Variants in CCDC91 observed in about 807,000 individuals in gnomAD.
CCDC91 encodes the protein coiled-coil domain containing 91, also known as coiled-coil domain-containing protein 91.
In CCDC91, 48 loss-of-function variants were observed where a neutral mutation model predicts 63.2. The observed-to-expected ratio is 0.76, with a 90% confidence interval of 0.60 to 0.97. The LOEUF (loss-of-function observed/expected upper bound fraction) is 0.97, where lower values mean the gene tolerates loss of function less well. CCDC91 is among the 50% of genes least tolerant of loss of function. The pLI is 0.00. For missense variants in CCDC91, 500 were observed against 494.6 expected, an observed-to-expected ratio of 1.01 and a Z score of -0.10; for synonymous variants, 167 against 165.8, an observed-to-expected ratio of 1.01 and a Z score of -0.06.
At chr12:28,356,411 C>G (rs894556026) in intron 6 of CCDC91, among the ~76,000 whole-genome samples, 18 of 152,020 alleles carry the variant, frequency 1.2e-4, no homozygotes, top group Admixed American at 8.5e-4. Flanking sequence ...TATAATTAGG[C>G]CATTTAGATG....
chr12:28,450,139 A>C, intron 8 of CCDC91, 22 bp from the exon 9 acceptor site: 1 of 1,404,108 alleles, frequency 7.1e-7, no homozygotes, highest in Non-Finnish European at 9.9e-7. Context: ...CCATAATATA[A>C]TTTGCTTATC....
chr12:28,335,179 TATAA>T (rs1414646010), intron 6 of CCDC91, among the ~76,000 whole-genome samples: 1 of 137,772 alleles, frequency 7.3e-6, no homozygotes, highest in Non-Finnish European at 1.6e-5. Context: ...ATGTTTATAA[TATAA>T]ATATTATATT....
intron 3 of CCDC91, among the ~76,000 whole-genome samples, chr12:28,278,665 A>G (rs1351594834): frequency 6.6e-6 from 1 of 152,024 alleles, no homozygotes; most frequent in Non-Finnish European, 1.5e-5. Flanking sequence ...TTTACTTTTC[A>G]ATTATATTGA....
intron 8 of CCDC91, among the ~76,000 whole-genome samples, chr12:28,429,789 T>A (rs1209280689): frequency 6.6e-6 from 1 of 152,088 alleles, no homozygotes; most frequent in Admixed American, 6.6e-5. Flanking sequence ...TGCCACTCTA[T>A]GAATTTTGAC....
intron 12 of CCDC91, among the ~76,000 whole-genome samples, chr12:28,491,444 T>C (rs1435490551): frequency 6.6e-6 from 1 of 151,672 alleles, no homozygotes; most frequent in African/African-American, 2.4e-5. Context: ...AAATAATAGC[T>C]TCAAGCAATA....
chr12:28,437,663 A>C (rs191576708), intron 8 of CCDC91, among the ~76,000 whole-genome samples: 2 of 152,222 alleles, frequency 1.3e-5, no homozygotes, highest in East Asian at 3.9e-4. Context: ...ATATCTTTTT[A>C]AATGTTTAAT....
At chr12:28,222,455 G>T (rs1181487509) in intron 1 of CCDC91, among the ~76,000 whole-genome samples, 1 of 152,090 alleles carries the variant, frequency 6.6e-6, no homozygotes, top group Non-Finnish European at 1.5e-5. Flanking sequence ...TGCATAAAAT[G>T]TATACACTAG....
At chr12:28,294,994 T>TTTTACA in intron 3 of CCDC91, among the ~76,000 whole-genome samples, 1 of 152,204 alleles carries the variant, frequency 6.6e-6, no homozygotes, top group Non-Finnish European at 1.5e-5. Context: ...AAACTATTCA[T>TTTTACA]TGTCTACATT....
chr12:28,492,392 G>T (rs1264076029), intron 12 of CCDC91, among the ~76,000 whole-genome samples: 1 of 151,558 alleles, frequency 6.6e-6, no homozygotes, highest in Non-Finnish European at 1.5e-5. Context: ...TATGTTATTT[G>T]ACTCTTATAA....
chr12:28,302,521 A>G (rs1314734640), intron 3 of CCDC91: 4 of 484,646 alleles, frequency 8.3e-6, no homozygotes, highest in Non-Finnish European at 1.1e-5. Context: ...CATAATGCAT[A>G]AATTGTTAAT....
chr12:28,259,810 A>C (rs2136201991), intron 3 of CCDC91, among the ~76,000 whole-genome samples: 1 of 152,042 alleles, frequency 6.6e-6, no homozygotes, highest in South Asian at 2.1e-4. Context: ...TCTCCAACAT[A>C]TTTAAATTTA....
At chr12:28,537,060 ATAT>A (rs1942232701) in intron 12 of CCDC91, among the ~76,000 whole-genome samples, 1 of 152,126 alleles carries the variant, frequency 6.6e-6, no homozygotes, top group African/African-American at 2.4e-5. Context: ...TAGGAACCTT[ATAT>A]TTTTTTCAGG....
chr12:28,399,420 A>G (rs1296344373), intron 8 of CCDC91, among the ~76,000 whole-genome samples: 2 of 152,182 alleles, frequency 1.3e-5, no homozygotes, highest in African/African-American at 4.8e-5. Flanking sequence ...AAAATTCAAG[A>G]TGAGATTTGG....
At chr12:28,475,557 G>A (rs191779322) in intron 11 of CCDC91, among the ~76,000 whole-genome samples, 6 of 152,086 alleles carry the variant, frequency 3.9e-5, no homozygotes, top group African/African-American at 1.4e-4. Context: ...GAACAATACA[G>A]AACAACTTTA....
chr12:28,230,767 G>A (rs1254525232), intron 1 of CCDC91, among the ~76,000 whole-genome samples: 2 of 152,010 alleles, frequency 1.3e-5, no homozygotes, highest in African/African-American at 2.4e-5. Flanking sequence ...GGGACTACAG[G>A]TGTGTACTAC....
chr12:28,294,966 A>C (rs916513555), intron 3 of CCDC91, among the ~76,000 whole-genome samples: 2 of 152,216 alleles, frequency 1.3e-5, no homozygotes, highest in African/African-American at 4.8e-5. Flanking sequence ...TCATGTAAAA[A>C]AAGATATTTT....
intron 6 of CCDC91, among the ~76,000 whole-genome samples, chr12:28,351,531 C>T (rs1240699739): frequency 2.0e-5 from 3 of 152,122 alleles, no homozygotes; most frequent in African/African-American, 7.2e-5. Flanking sequence ...TGCCCATGGC[C>T]CTGGCTTGGT....
chr12:28,292,032 G>T (rs964640238), intron 3 of CCDC91, among the ~76,000 whole-genome samples: 1 of 152,148 alleles, frequency 6.6e-6, no homozygotes, highest in Non-Finnish European at 1.5e-5. Flanking sequence ...TTGATGTTGC[G>T]AGTTGTCTCT....
intron 12 of CCDC91, chr12:28,505,386 T>TG (rs1274763550): frequency 1.5e-4 from 23 of 151,902 alleles, no homozygotes; most frequent in African/African-American, 5.3e-4. Context: ...CTCAGAGAAT[T>TG]GAGTTTCGTC....
Sources: gnomAD v4.1 joint callset for allele counts (sites outside exome capture counted in the v4.1 genomes callset) on GRCh38, gnomAD v4.1.1 for gene constraint, MANE v1.5 for transcripts, NCBI Gene and HGNC (gene_info 2026-07-23, HGNC 2026-07-21) for gene names.